ST6GALNAC3: variants seen among roughly 807,000 people sequenced by gnomAD.
The protein encoded by ST6GALNAC3 is alpha-N-acetylgalactosaminide alpha-2,6-sialyltransferase 3.
Under a neutral mutation model 32.7 loss-of-function variants are expected in ST6GALNAC3, and 25 were observed. That is an observed-to-expected ratio of 0.76 (90% CI 0.56 to 1.07). The LOEUF (loss-of-function observed/expected upper bound fraction) is 1.07, where lower values mean the gene tolerates loss of function less well. Among genes scored for constraint, ST6GALNAC3 ranks in the 50% least tolerant of loss-of-function variants. The probability of loss-of-function intolerance (pLI) is 0.00; values close to 1 mark genes in which losing one functional copy is unlikely to be tolerated. For missense variants in ST6GALNAC3, 355 were observed against 382.4 expected (o/e 0.93, Z 0.60); for synonymous variants, 129 against 133.1 (o/e 0.97, Z 0.21).
intron 1 of ST6GALNAC3, among the ~76,000 whole-genome samples, chr1:76,151,907 C>T (rs998968522): frequency 6.6e-6 from 1 of 152,170 alleles, no homozygotes; most frequent in Non-Finnish European, 1.5e-5. Context: ...TGTGGAGAAG[C>T]CGGTTCTTGA....
intron 3 of ST6GALNAC3, among the ~76,000 whole-genome samples, chr1:76,447,676 C>T (rs1200304443): frequency 7.2e-5 from 11 of 152,104 alleles, no homozygotes; most frequent in Admixed American, 7.2e-4. Flanking sequence ...TCCAGCTGCT[C>T]CAGCATGGCT....
At chr1:76,600,839 A>G (rs1040491382) in intron 3 of ST6GALNAC3, among the ~76,000 whole-genome samples, 1 of 152,180 alleles carries the variant, frequency 6.6e-6, no homozygotes, top group South Asian at 2.1e-4. Flanking sequence ...TCATCAAAAA[A>G]TTTCCTGGAA....
At chr1:76,555,833 A>G (rs1264666172) in intron 3 of ST6GALNAC3, among the ~76,000 whole-genome samples, 1 of 152,150 alleles carries the variant, frequency 6.6e-6, no homozygotes, top group African/African-American at 2.4e-5. Flanking sequence ...AAATTCAATA[A>G]GAAATTCTGG....
intron 1 of ST6GALNAC3, among the ~76,000 whole-genome samples, chr1:76,226,317 G>T (rs976942949): frequency 6.6e-6 from 1 of 152,222 alleles, no homozygotes; most frequent in Non-Finnish European, 1.5e-5. Flanking sequence ...CCAGGGAGGG[G>T]ATGCCCCTTT....
chr1:76,536,675 A>T (rs1242988865), intron 3 of ST6GALNAC3, among the ~76,000 whole-genome samples: 8 of 151,156 alleles, frequency 5.3e-5, no homozygotes, highest in Non-Finnish European at 8.9e-5. Flanking sequence ...AAAAAAAAAA[A>T]AGCAGGGGTT....
intron 3 of ST6GALNAC3, among the ~76,000 whole-genome samples, chr1:76,600,476 T>A (rs1647206050): frequency 6.6e-6 from 1 of 152,140 alleles, no homozygotes; most frequent in African/African-American, 2.4e-5. Flanking sequence ...AGTACTTACA[T>A]TGTGCTGGGG....
chr1:76,304,256 T>G (rs71502774), intron 1 of ST6GALNAC3, among the ~76,000 whole-genome samples: 7,417 of 152,132 alleles, frequency 0.049, 242 homozygotes, highest in Non-Finnish European at 0.073. Flanking sequence ...GATATATTTC[T>G]CAGATTTTGT....
chr1:76,534,205 G>T (rs1267430987), intron 3 of ST6GALNAC3, among the ~76,000 whole-genome samples: 3 of 151,994 alleles, frequency 2.0e-5, no homozygotes, highest in African/African-American at 7.3e-5. Context: ...ACCACTGCCG[G>T]CTAATTTTTG....
At chr1:76,263,144 T>C (rs1658338689) in intron 1 of ST6GALNAC3, among the ~76,000 whole-genome samples, 1 of 152,108 alleles carries the variant, frequency 6.6e-6, no homozygotes, top group South Asian at 2.1e-4. Context: ...GAAAAAACAA[T>C]ATAGAGATTA....
chr1:76,082,662 CTT>C (rs1220505081), intron 1 of ST6GALNAC3, among the ~76,000 whole-genome samples: 3 of 152,136 alleles, frequency 2.0e-5, no homozygotes, highest in Admixed American at 1.3e-4. Context: ...TATTAAGAGA[CTT>C]TAATAAACAG....
intron 3 of ST6GALNAC3, among the ~76,000 whole-genome samples, chr1:76,488,118 T>A (rs561446723): frequency 6.6e-6 from 1 of 152,256 alleles, no homozygotes; most frequent in African/African-American, 2.4e-5. Context: ...CATGCTGAAA[T>A]ATAATCCCCC....
At chr1:76,577,028 T>C (rs1009691962) in intron 3 of ST6GALNAC3, 12 of 1,180,658 alleles carry the variant, frequency 1.0e-5, no homozygotes, top group Non-Finnish European at 1.3e-5. Context: ...ATTGTGGCTT[T>C]GTGTAAAGTT....
chr1:76,188,421 G>A lies in ST6GALNAC3; in HGVS notation c.18+113537G>A, dbSNP rs372051683. Among the ~76,000 whole-genome samples, 43 of 152,196 alleles carry A rather than the reference G, an allele frequency of 2.8e-4. 2 individuals carry two copies. The highest frequency in any genetic ancestry group is 1.4e-3 in the Admixed American group (21 of 15,282). ...GGTGAAAATGATTATTATAGTGTGT[G>A]TGGGAGTGGGAGGAAATTAGCCCAT... On this transcript the variant is annotated intron_variant, in intron 1 of 4. Transcript: ENST00000328299.
At chr1:76,528,531 A>G (rs1414456558) in intron 3 of ST6GALNAC3, among the ~76,000 whole-genome samples, 2 of 152,164 alleles carry the variant, frequency 1.3e-5, no homozygotes, top group Non-Finnish European at 2.9e-5. Flanking sequence ...AACCAGACGC[A>G]TACATAGTAT....
chr1:76,470,945 A>G (rs1185970313), intron 3 of ST6GALNAC3, among the ~76,000 whole-genome samples: 1 of 152,098 alleles, frequency 6.6e-6, no homozygotes, highest in Non-Finnish European at 1.5e-5. Context: ...GTTGATACAA[A>G]GACAAACATG....
chr1:76,177,306 CAG>C (rs1292404176), intron 1 of ST6GALNAC3, among the ~76,000 whole-genome samples: 4 of 152,062 alleles, frequency 2.6e-5, no homozygotes. Context: ...CTGGAGAAGA[CAG>C]AATGTGTTTT....
At chr1:76,158,671 T>C (rs1451287729) in intron 1 of ST6GALNAC3, among the ~76,000 whole-genome samples, 2 of 152,230 alleles carry the variant, frequency 1.3e-5, no homozygotes, top group African/African-American at 4.8e-5. Context: ...AGTAGCTACC[T>C]CACTGGTCAT....
intron 1 of ST6GALNAC3, among the ~76,000 whole-genome samples, chr1:76,250,881 G>C (rs556495380): frequency 1.3e-5 from 2 of 152,270 alleles, no homozygotes; most frequent in East Asian, 3.9e-4. Context: ...TCTGACTTCA[G>C]TCAACCACTC....
chr1:76,105,069 A>T (rs372483546), intron 1 of ST6GALNAC3, among the ~76,000 whole-genome samples: 2 of 152,220 alleles, frequency 1.3e-5, no homozygotes, highest in African/African-American at 4.8e-5. Flanking sequence ...GTGAGTCATT[A>T]TCAGAAGCAG....
Sources: gnomAD v4.1 joint callset for allele counts (sites outside exome capture counted in the v4.1 genomes callset) on GRCh38, gnomAD v4.1.1 for gene constraint, MANE v1.5 for transcripts, NCBI Gene and HGNC (gene_info 2026-07-23, HGNC 2026-07-21) for gene names.